The following ROBO2 variants were observed in gnomAD, a reference collection of about 807,000 sequenced individuals.
The protein encoded by ROBO2 is roundabout homolog 2.
In ROBO2, 53 loss-of-function variants were observed where a neutral mutation model predicts 160.8. The observed-to-expected ratio is 0.33, with a 90% CI of 0.26 to 0.41. ROBO2 has a LOEUF of 0.41. Among genes scored for constraint, ROBO2 ranks in the 10% least tolerant of loss-of-function variants. The pLI is 1.00. For synonymous variants in ROBO2, 664 were observed against 611.7 expected, an observed-to-expected ratio of 1.09 and a Z score of -1.26; for missense variants, 1,577 against 1,722.4, an observed-to-expected ratio of 0.92 and a Z score of 1.49.
intron 21 of ROBO2, among the ~76,000 whole-genome samples, chr3:77,615,616 C>T (rs1489137392): frequency 6.6e-6 from 1 of 152,146 alleles, no homozygotes; most frequent in Admixed American, 6.5e-5. Context: ...AGACCTTTCA[C>T]TTGGTGATAT....
chr3:75,910,544 C>T (rs774032608), intron 1 of ROBO2, among the ~76,000 whole-genome samples: 9 of 152,028 alleles, frequency 5.9e-5, no homozygotes, highest in Non-Finnish European at 1.0e-4. Context: ...TTGTTCATTA[C>T]GAGATTCATC....
intron 2 of ROBO2, among the ~76,000 whole-genome samples, chr3:76,760,693 G>C (rs2061256683): frequency 7.2e-6 from 1 of 139,826 alleles, no homozygotes; most frequent in Admixed American, 7.6e-5. Context: ...GAATGGATTA[G>C]CAGTATCTTA....
intron 2 of ROBO2, among the ~76,000 whole-genome samples, chr3:76,741,257 A>C (rs2093797359): frequency 6.6e-6 from 1 of 152,198 alleles, no homozygotes; most frequent in African/African-American, 2.4e-5. Context: ...ATTTTTAAAA[A>C]TATAAAAAGA....
At chr3:77,543,386 G>C (rs938167181) in intron 6 of ROBO2, among the ~76,000 whole-genome samples, 12 of 152,158 alleles carry the variant, frequency 7.9e-5, no homozygotes, top group African/African-American at 2.9e-4. Flanking sequence ...AGTACATTTT[G>C]TGTGAATAAA....
intron 2 of ROBO2, among the ~76,000 whole-genome samples, chr3:76,700,550 G>T (rs911089097): frequency 6.6e-6 from 1 of 152,134 alleles, no homozygotes; most frequent in Non-Finnish European, 1.5e-5. Flanking sequence ...GGCTCCGACA[G>T]TCTTGATGAG....
chr3:76,268,018 G>A (rs538324725), intron 2 of ROBO2, among the ~76,000 whole-genome samples: 1 of 152,210 alleles, frequency 6.6e-6, no homozygotes, highest in South Asian at 2.1e-4. Flanking sequence ...ATGTGGCAAG[G>A]GCCTAATACA....
At chr3:76,504,206 T>TA (rs2080644390) in intron 2 of ROBO2, among the ~76,000 whole-genome samples, 1 of 152,222 alleles carries the variant, frequency 6.6e-6, no homozygotes, top group Admixed American at 6.5e-5. Flanking sequence ...AAAATATATG[T>TA]AAAATAGAGG....
At chr3:76,705,618 T>G (rs2093144905) in intron 2 of ROBO2, among the ~76,000 whole-genome samples, 1 of 152,050 alleles carries the variant, frequency 6.6e-6, no homozygotes, top group African/African-American at 2.4e-5. Flanking sequence ...TGCAAAATAT[T>G]TAGGGCTGAT....
intron 2 of ROBO2, among the ~76,000 whole-genome samples, chr3:76,255,518 C>A (rs1706299625): frequency 6.6e-6 from 1 of 151,764 alleles, no homozygotes; most frequent in Non-Finnish European, 1.5e-5. Context: ...AAATTGAGGG[C>A]TGAAAAATTT....
chr3:76,813,154 C>T (rs2065350408), intron 2 of ROBO2, among the ~76,000 whole-genome samples: 1 of 151,962 alleles, frequency 6.6e-6, no homozygotes, highest in African/African-American at 2.4e-5. Flanking sequence ...AACATTCTGC[C>T]TGCAGCACCT....
chr3:77,381,246 C>T (rs1478539552), intron 2 of ROBO2, among the ~76,000 whole-genome samples: 1 of 152,048 alleles, frequency 6.6e-6, no homozygotes. Context: ...ACCCGGGAGG[C>T]GGAGGTTGCA....
intron 1 of ROBO2, among the ~76,000 whole-genome samples, chr3:75,922,208 A>G (rs1351972694): frequency 6.6e-6 from 1 of 152,194 alleles, no homozygotes; most frequent in Non-Finnish European, 1.5e-5. Flanking sequence ...TGTATTTTAT[A>G]GTTGCACAAA....
intron 2 of ROBO2, among the ~76,000 whole-genome samples, chr3:76,656,328 C>T (rs1169118243): frequency 2.6e-5 from 4 of 152,160 alleles, no homozygotes; most frequent in Non-Finnish European, 5.9e-5. Context: ...CCCATCAAAA[C>T]ATTATTATAT....
chr3:76,130,324 T>C (rs2071177812), intron 2 of ROBO2, among the ~76,000 whole-genome samples: 1 of 152,110 alleles, frequency 6.6e-6, no homozygotes, highest in Non-Finnish European at 1.5e-5. Context: ...GGTAAAACAA[T>C]ACAATGCTTT....
intron 2 of ROBO2, among the ~76,000 whole-genome samples, chr3:76,369,642 C>T (rs975234786): frequency 6.6e-6 from 1 of 151,870 alleles, no homozygotes; most frequent in Non-Finnish European, 1.5e-5. Context: ...CATCAGCGTT[C>T]ATTAGGTCAG....
chr3:77,588,375 T>C (rs1199296485), intron 16 of ROBO2, among the ~76,000 whole-genome samples: 1 of 152,102 alleles, frequency 6.6e-6, no homozygotes, highest in Non-Finnish European at 1.5e-5. Context: ...AAATACCCCA[T>C]GTTAAAAGTT....
rs9817359 is a variant in ROBO2, at chr3:76,424,012, G to C, written c.109+486410G>C. ...GAGGTCCATGGGCCTCCAAAACGTC[G>C]ATGAATCAAGTTCACATGGTTGTGA... On this transcript the variant is annotated intron_variant, in intron 2 of 26. Transcript: ENST00000487694. 3.9e-5 allele frequency among the ~76,000 whole-genome samples: 6 copies of C among 152,010 alleles called. No homozygotes were observed. The East Asian group carries it at 9.7e-4, about 24-fold the overall frequency.
At chr3:76,791,914 ATTAT>A (rs1466175589) in intron 2 of ROBO2, among the ~76,000 whole-genome samples, 1 of 151,910 alleles carries the variant, frequency 6.6e-6, no homozygotes, top group Non-Finnish European at 1.5e-5. Context: ...CATTTTGTTA[ATTAT>A]TATAAATAAT....
At chr3:76,215,688 T>G (rs1185858261) in intron 2 of ROBO2, among the ~76,000 whole-genome samples, 1 of 152,166 alleles carries the variant, frequency 6.6e-6, no homozygotes, top group African/African-American at 2.4e-5. Flanking sequence ...GTCTAATTGG[T>G]GTACCTGAAA....
Sources: gnomAD v4.1 joint callset for allele counts (sites outside exome capture counted in the v4.1 genomes callset) on GRCh38, gnomAD v4.1.1 for gene constraint, MANE v1.5 for transcripts, NCBI Gene and HGNC (gene_info 2026-07-23, HGNC 2026-07-21) for gene names.